FHIT: variants seen among roughly 807,000 people sequenced by gnomAD.
The protein encoded by FHIT is bis(5'-adenosyl)-triphosphatase.
FHIT carries 19 observed loss-of-function variants against 17.9 expected under a neutral mutation model. That is an observed-to-expected ratio of 1.06 (90% CI 0.74 to 1.56). The LOEUF (loss-of-function observed/expected upper bound fraction) is 1.56. Among genes scored for constraint, FHIT ranks in the 40% most tolerant of loss-of-function variants. The pLI, the probability that FHIT is intolerant of heterozygous loss-of-function variation, is 0.00. For synonymous variants in FHIT, 81 were observed against 69.7 expected, an observed-to-expected ratio of 1.16 and a Z score of -0.81; for missense variants, 248 against 189.2, an observed-to-expected ratio of 1.31 and a Z score of -1.82.
intron 5 of FHIT, among the ~76,000 whole-genome samples, chr3:60,093,102 T>C (rs1559625028): frequency 6.6e-6 from 1 of 152,278 alleles, no homozygotes; most frequent in East Asian, 1.9e-4. Flanking sequence ...ACAAACTTAG[T>C]GGCTTCAAAC....
At chr3:60,959,506 C>G (rs1461578534) in intron 3 of FHIT, among the ~76,000 whole-genome samples, 3 of 152,266 alleles carry the variant, frequency 2.0e-5, no homozygotes, top group African/African-American at 4.8e-5. Flanking sequence ...ACACCCAGAG[C>G]TCACTATCTT....
At chr3:59,879,651 G>A (rs17061312) in intron 8 of FHIT, among the ~76,000 whole-genome samples, 4,158 of 152,176 alleles carry the variant, frequency 0.027, 171 homozygotes, top group African/African-American at 0.093. Context: ...CTAACATTAC[G>A]TAGGGTCGAA....
intron 4 of FHIT, among the ~76,000 whole-genome samples, chr3:60,770,269 T>C (rs1237462794): frequency 2.0e-5 from 3 of 148,748 alleles, no homozygotes; most frequent in African/African-American, 2.5e-5. Flanking sequence ...AGTTGAAACA[T>C]GGAGAAAAAA....
At chr3:60,173,538 C>A (rs565207250) in intron 5 of FHIT, among the ~76,000 whole-genome samples, 1 of 152,080 alleles carries the variant, frequency 6.6e-6, no homozygotes, top group Non-Finnish European at 1.5e-5. Flanking sequence ...TTCTCTGCAA[C>A]AGCTTGTCCT....
chr3:60,827,560 G>C (rs907753996), intron 3 of FHIT, among the ~76,000 whole-genome samples: 3 of 152,164 alleles, frequency 2.0e-5, no homozygotes, highest in Non-Finnish European at 4.4e-5. Context: ...ATGGAAATTA[G>C]ACTTTTCAGA....
chr3:59,906,553 C>G (rs565942089), intron 8 of FHIT, among the ~76,000 whole-genome samples: 289 of 152,324 alleles, frequency 1.9e-3, no homozygotes, highest in Non-Finnish European at 1.3e-3. Context: ...CATACTGCTT[C>G]TGTGGAGTTG....
chr3:60,834,678 A>G (rs1702466497), intron 3 of FHIT, among the ~76,000 whole-genome samples: 1 of 151,684 alleles, frequency 6.6e-6, no homozygotes, highest in Non-Finnish European at 1.5e-5. Flanking sequence ...ACACGGCAAA[A>G]GCCAGTCTCA....
At chr3:59,814,813 T>G (rs2629899) in intron 8 of FHIT, among the ~76,000 whole-genome samples, 11,639 of 152,234 alleles carry the variant, frequency 0.076, 553 homozygotes, top group Non-Finnish European at 0.11. Flanking sequence ...CCTTTTCTTG[T>G]GTAGTTCCCT....
In FHIT at chr3:60,709,365, C is replaced by A. The variant is rs1358108854; in HGVS notation, c.-18+112554G>T. 2.0e-5 allele frequency among the ~76,000 whole-genome samples: 3 copies of A among 152,028 alleles called. No individual in the cohort carries two copies. The East Asian group carries it at 5.8e-4, about 29-fold the overall frequency. ...ATATATTATTAGGGTTGAAGTGTGC[C>A]AAGAAAATCTAGAAGGAATATTTTA... On this transcript the variant is annotated intron_variant, in intron 4 of 9. Transcript: ENST00000492590.
chr3:60,578,249 C>T (rs2037635489), intron 4 of FHIT, among the ~76,000 whole-genome samples: 1 of 151,946 alleles, frequency 6.6e-6, no homozygotes, highest in African/African-American at 2.4e-5. Flanking sequence ...CCATCCTGGC[C>T]AACATGGTGA....
chr3:60,607,522 C>G (rs1320821770), intron 4 of FHIT, among the ~76,000 whole-genome samples: 1 of 151,882 alleles, frequency 6.6e-6, no homozygotes, highest in Admixed American at 6.6e-5. Flanking sequence ...AGCAACTCAT[C>G]AGGGTGAGAC....
At chr3:60,561,965 A>AG (rs1553651801) in intron 4 of FHIT, among the ~76,000 whole-genome samples, 11 of 151,986 alleles carry the variant, frequency 7.2e-5, no homozygotes, top group Non-Finnish European at 1.2e-4. Context: ...AGAGAGAGAG[A>AG]AAGATAATTC....
At chr3:59,979,470 G>C (rs559281563) in intron 7 of FHIT, among the ~76,000 whole-genome samples, 1 of 152,076 alleles carries the variant, frequency 6.6e-6, no homozygotes, top group African/African-American at 2.4e-5. Flanking sequence ...TGACAGACTT[G>C]GGAGAGGAAA....
chr3:59,949,935 T>C (rs1201872390), intron 7 of FHIT, among the ~76,000 whole-genome samples: 1 of 152,212 alleles, frequency 6.6e-6, no homozygotes, highest in Non-Finnish European at 1.5e-5. Flanking sequence ...AACAATGAGC[T>C]ACCTGAGCTT....
At chr3:60,407,133 T>C (rs914079258) in intron 5 of FHIT, among the ~76,000 whole-genome samples, 3 of 137,080 alleles carry the variant, frequency 2.2e-5, no homozygotes, top group Non-Finnish European at 4.7e-5. Context: ...TTGCTTATAA[T>C]CAAGGCAATG....
At chr3:60,427,139 A>T (rs528149744) in intron 5 of FHIT, among the ~76,000 whole-genome samples, 1 of 152,168 alleles carries the variant, frequency 6.6e-6, no homozygotes, top group Non-Finnish European at 1.5e-5. Flanking sequence ...AATAATTCAA[A>T]GCCTAAAAGA....
At chr3:60,037,442 G>C (rs1477842769) in intron 5 of FHIT, among the ~76,000 whole-genome samples, 1 of 150,474 alleles carries the variant, frequency 6.6e-6, no homozygotes, top group East Asian at 2.0e-4. Context: ...GAGTGCAGTG[G>C]CGAAATCTTG....
intron 8 of FHIT, among the ~76,000 whole-genome samples, chr3:59,884,764 A>T (rs1436360197): frequency 6.6e-6 from 1 of 152,196 alleles, no homozygotes; most frequent in Non-Finnish European, 1.5e-5. Context: ...ACACCTTGTC[A>T]GTTGCCAATG....
intron 5 of FHIT, among the ~76,000 whole-genome samples, chr3:60,100,974 G>A (rs1209690750): frequency 1.3e-5 from 2 of 152,128 alleles, no homozygotes; most frequent in African/African-American, 4.8e-5. Context: ...ACATGTAACA[G>A]CTCTAATTCT....
Sources: gnomAD v4.1 joint callset for allele counts (sites outside exome capture counted in the v4.1 genomes callset) on GRCh38, gnomAD v4.1.1 for gene constraint, MANE v1.5 for transcripts, NCBI Gene and HGNC (gene_info 2026-07-23, HGNC 2026-07-21) for gene names.